The following FAM135B variants were observed in gnomAD, a reference collection of about 807,000 sequenced individuals.
FAM135B encodes the protein protein FAM135B.
A neutral mutation model predicts 127.7 loss-of-function variants in FAM135B; 43 were observed. The observed-to-expected ratio is 0.34, with a 90% CI of 0.26 to 0.43. The LOEUF (loss-of-function observed/expected upper bound fraction) is 0.43, where lower values mean the gene tolerates loss of function less well. FAM135B is among the 20% of genes least tolerant of loss of function. The probability of loss-of-function intolerance (pLI) is 1.00; values close to 1 mark genes in which losing one functional copy is unlikely to be tolerated. For synonymous variants in FAM135B, 670 were observed against 665.1 expected, an observed-to-expected ratio of 1.01 and a Z score of -0.11; for missense variants, 1,558 against 1,725.6, an observed-to-expected ratio of 0.90 and a Z score of 1.72.
intron 7 of FAM135B, among the ~76,000 whole-genome samples, chr8:138,202,769 C>T (rs530324687): frequency 2.9e-4 from 37 of 126,336 alleles, no homozygotes; most frequent in Admixed American, 1.5e-3. Context: ...TTTGCTTACA[C>T]GCTCATTGAT....
At position 138,290,713 on chromosome 8, in the gene FAM135B, G is replaced by A. The variant is rs548824780; in HGVS notation, c.157+20128C>T. On this transcript the variant is annotated intron_variant, in intron 3 of 19. Transcript: ENST00000395297. The stretch of plus-strand genomic sequence containing the variant: ...GATATTTTGAGCAGAGAGAGACTTA[G>A]TGCAGGGATTTGGTTGCAAGGGTAT... Among the ~76,000 whole-genome samples the A allele has an allele frequency of 2.0e-5, 3 of 152,302 alleles. No homozygotes were observed. The East Asian group carries it at 5.8e-4, about 29-fold the overall frequency.
chr8:138,192,788 C>A (rs943793919), intron 9 of FAM135B, among the ~76,000 whole-genome samples: 4 of 152,232 alleles, frequency 2.6e-5, no homozygotes, highest in Non-Finnish European at 5.9e-5. Flanking sequence ...GGCTTCTGTA[C>A]AGCTGGCTCT....
chr8:138,376,047 G>A (rs1271582428), intron 1 of FAM135B, among the ~76,000 whole-genome samples: 1 of 152,174 alleles, frequency 6.6e-6, no homozygotes, highest in Non-Finnish European at 1.5e-5. Flanking sequence ...AAGCTGGAGT[G>A]AGGTGGCATG....
At chr8:138,306,064 G>C (rs1412634991) in intron 3 of FAM135B, among the ~76,000 whole-genome samples, 1 of 152,106 alleles carries the variant, frequency 6.6e-6, no homozygotes, top group African/African-American at 2.4e-5. Flanking sequence ...CTTTTACTAA[G>C]AAAAATTTAT....
At chr8:138,285,120 T>C (rs1057306332) in intron 3 of FAM135B, among the ~76,000 whole-genome samples, 5 of 148,520 alleles carry the variant, frequency 3.4e-5, no homozygotes, top group Admixed American at 1.3e-4. Flanking sequence ...GGAAAACATA[T>C]ATTGGCTCTA....
chr8:138,170,615 T>G (rs1820347535), intron 11 of FAM135B, among the ~76,000 whole-genome samples: 1 of 152,222 alleles, frequency 6.6e-6, no homozygotes, highest in African/African-American at 2.4e-5. Context: ...ATTTTGGATG[T>G]CACCATGATT....
chr8:138,367,272 A>G (rs1830797443), intron 2 of FAM135B: 1 of 400,450 alleles, frequency 2.5e-6, no homozygotes, highest in Admixed American at 3.0e-5. Context: ...CATCATGAAG[A>G]CATGTAGTTC....
rs114259346 is a variant in FAM135B at position 138,174,334 on chromosome 8, T to C, written c.1103+3013A>G. Among the ~76,000 whole-genome samples the C allele has an allele frequency of 5.2e-3, 797 of 152,308 alleles. 6 individuals carry two copies. Among genetic ancestry groups the C allele is most frequent in the African/African-American group, 0.017 (713 of 41,568 alleles). On this transcript the variant is annotated intron_variant, in intron 11 of 19. Transcript: ENST00000395297. ...GATTTGGGAGTGCGCTGCTGCCTTA[T>C]GTAAGCCGCATGACCTCCCCGGGGT...
intron 2 of FAM135B, among the ~76,000 whole-genome samples, chr8:138,366,859 A>C (rs984132238): frequency 6.6e-6 from 1 of 152,208 alleles, no homozygotes; most frequent in Non-Finnish European, 1.5e-5. Flanking sequence ...GGAATGTATT[A>C]GAAAAACAAC....
At chr8:138,428,420 T>C (rs1489532501) in intron 1 of FAM135B, among the ~76,000 whole-genome samples, 1 of 152,086 alleles carries the variant, frequency 6.6e-6, no homozygotes, top group African/African-American at 2.4e-5. Context: ...GCTTGCAACA[T>C]AATTGTGATT....
chr8:138,312,021 A>G (rs768739349), intron 2 of FAM135B, among the ~76,000 whole-genome samples: 1 of 152,152 alleles, frequency 6.6e-6, no homozygotes, highest in Admixed American at 6.5e-5. Flanking sequence ...ATCTCAGCTA[A>G]CTACAACATC....
intron 7 of FAM135B, among the ~76,000 whole-genome samples, chr8:138,238,024 C>G (rs1157974086): frequency 2.0e-5 from 3 of 152,068 alleles, no homozygotes; most frequent in Non-Finnish European, 2.9e-5. Context: ...AAGGAGGCCT[C>G]GGGGATGATC....
chr8:138,444,906 C>G (rs1043323067), intron 1 of FAM135B, among the ~76,000 whole-genome samples: 4 of 151,912 alleles, frequency 2.6e-5, no homozygotes, highest in Admixed American at 6.6e-5. Flanking sequence ...AGACCTCTAG[C>G]AAGACTAATA....
At chr8:138,266,209 C>T (rs372864570) in intron 3 of FAM135B, among the ~76,000 whole-genome samples, 9 of 152,178 alleles carry the variant, frequency 5.9e-5, no homozygotes, top group Middle Eastern at 3.4e-3. Context: ...AGGAGAAGAA[C>T]GGGGAGTAAA....
intron 12 of FAM135B, among the ~76,000 whole-genome samples, chr8:138,158,794 A>T: frequency 6.6e-6 from 1 of 152,184 alleles, no homozygotes; most frequent in Non-Finnish European, 1.5e-5. Context: ...AGGAAACAAC[A>T]GGTGCTGGAG....
chr8:138,401,767 T>C (rs899252019), intron 1 of FAM135B, among the ~76,000 whole-genome samples: 1 of 152,310 alleles, frequency 6.6e-6, no homozygotes, highest in Admixed American at 6.5e-5. Flanking sequence ...ATGTGACTGA[T>C]GGGCAAGAAA....
At chr8:138,430,777 G>T (rs1835151065) in intron 1 of FAM135B, among the ~76,000 whole-genome samples, 1 of 152,118 alleles carries the variant, frequency 6.6e-6, no homozygotes, top group African/African-American at 2.4e-5. Context: ...ATTATTACAG[G>T]CATCTTTGGG....
At chr8:138,344,370 G>A (rs1829256138) in intron 2 of FAM135B, among the ~76,000 whole-genome samples, 1 of 152,120 alleles carries the variant, frequency 6.6e-6, no homozygotes, top group Admixed American at 6.5e-5. Context: ...CTCTCCAGCA[G>A]CCATGGTGGC....
chr8:138,262,115 C>T (rs751054356), intron 4 of FAM135B, among the ~76,000 whole-genome samples: 1 of 152,184 alleles, frequency 6.6e-6, no homozygotes, highest in Non-Finnish European at 1.5e-5. Context: ...AAGAAAACAA[C>T]ATGTAATGTG....
Sources: gnomAD v4.1 joint callset for allele counts (sites outside exome capture counted in the v4.1 genomes callset) on GRCh38, gnomAD v4.1.1 for gene constraint, MANE v1.5 for transcripts, NCBI Gene and HGNC (gene_info 2026-07-23, HGNC 2026-07-21) for gene names.